The following CENPW variants were observed in gnomAD, a reference collection of about 807,000 sequenced individuals.
CENPW encodes the protein cancer-up-regulated gene 2 protein.
Under a neutral mutation model 11.1 loss-of-function variants are expected in CENPW, and 3 were observed. That is an observed-to-expected ratio of 0.27 (90% CI 0.12 to 0.70). CENPW has a LOEUF of 0.70. CENPW is among the 30% of genes least tolerant of loss of function. The pLI is 0.77. For synonymous variants in CENPW, 38 were observed against 42.0 expected, an observed-to-expected ratio of 0.91 and a Z score of 0.37; for missense variants, 100 against 105.6, an observed-to-expected ratio of 0.95 and a Z score of 0.23.
chr6:126,350,096 T>G (rs993614971), downstream of CENPW, among the ~76,000 whole-genome samples: 4 of 152,154 alleles, frequency 2.6e-5, no homozygotes, highest in Non-Finnish European at 5.9e-5. Flanking sequence ...ATTTTACATT[T>G]CCATTAGCAG....
At chr6:126,373,791 ACTTT>A in the CENPW span, among the ~76,000 whole-genome samples, 1 of 152,182 alleles carries the variant, frequency 6.6e-6, no homozygotes, top group Non-Finnish European at 1.5e-5. Flanking sequence ...CAAAATACCC[ACTTT>A]TACCACATTC....
At chr6:126,370,103 G>T in the CENPW span, among the ~76,000 whole-genome samples, 64 of 152,032 alleles carry the variant, frequency 4.2e-4, no homozygotes, top group African/African-American at 1.5e-3. Flanking sequence ...TTTATTTCTG[G>T]GTTCTCTATT....
At chr6:126,370,476 C>T in the CENPW span, among the ~76,000 whole-genome samples, 1 of 152,146 alleles carries the variant, frequency 6.6e-6, no homozygotes, top group African/African-American at 2.4e-5. Flanking sequence ...GGTCTTTCAC[C>T]TTCTTGGTTA....
chr6:126,468,677 T>C, the CENPW span, among the ~76,000 whole-genome samples: 2 of 152,134 alleles, frequency 1.3e-5, no homozygotes, highest in Non-Finnish European at 2.9e-5. Flanking sequence ...TATTTGCAAT[T>C]TTTCTGTAAA....
the CENPW span, among the ~76,000 whole-genome samples, chr6:126,460,064 A>G: frequency 6.6e-6 from 1 of 151,336 alleles, no homozygotes; most frequent in Non-Finnish European, 1.5e-5. Context: ...AATTGGGGGG[A>G]AAATATACTC....
chr6:126,443,600 GT>G, the CENPW span, among the ~76,000 whole-genome samples: 1 of 151,008 alleles, frequency 6.6e-6, no homozygotes, highest in Non-Finnish European at 1.5e-5. Flanking sequence ...CTTCTCTAAG[GT>G]AACTAGTAAG....
At chr6:126,414,627 C>T in the CENPW span, among the ~76,000 whole-genome samples, 1 of 151,636 alleles carries the variant, frequency 6.6e-6, no homozygotes, top group East Asian at 1.9e-4. Flanking sequence ...ATAGCAAAAG[C>T]AGTAATAAGT....
the CENPW span, among the ~76,000 whole-genome samples, chr6:126,365,285 G>A: frequency 6.6e-6 from 1 of 152,154 alleles, no homozygotes; most frequent in Non-Finnish European, 1.5e-5. Context: ...TTAGTCTGTT[G>A]TCACATTACT....
the CENPW span, among the ~76,000 whole-genome samples, chr6:126,386,775 C>T: frequency 1.3e-5 from 2 of 152,006 alleles, no homozygotes; most frequent in East Asian, 3.9e-4. Context: ...ATGAATAAGA[C>T]ATGAACTTGA....
chr6:126,423,160 A>AT, the CENPW span, among the ~76,000 whole-genome samples: 15 of 150,542 alleles, frequency 1.0e-4, no homozygotes, highest in African/African-American at 3.2e-4. Context: ...TGGCTGTAGA[A>AT]TTTTTTTTTT....
the CENPW span, among the ~76,000 whole-genome samples, chr6:126,383,097 G>C: frequency 1.3e-5 from 2 of 152,184 alleles, no homozygotes; most frequent in Non-Finnish European, 2.9e-5. Context: ...CCACAAGTCA[G>C]AAGAGATTGG....
At chr6:126,348,098 A>G (rs145040595) in intron 2 of CENPW, among the ~76,000 whole-genome samples, 21 of 152,052 alleles carry the variant, frequency 1.4e-4, no homozygotes, top group Admixed American at 3.9e-4. Context: ...TTAACTCTTT[A>G]ATTGGTATTG....
the CENPW span, among the ~76,000 whole-genome samples, chr6:126,417,003 AG>A: frequency 1.3e-5 from 2 of 152,212 alleles, no homozygotes; most frequent in Admixed American, 1.3e-4. Context: ...CACCTGGAAA[AG>A]CCACAGACAC....
At chr6:126,460,408 T>C in the CENPW span, among the ~76,000 whole-genome samples, 2 of 151,750 alleles carry the variant, frequency 1.3e-5, no homozygotes, top group Non-Finnish European at 2.9e-5. Flanking sequence ...GACTTTATTA[T>C]TCATGTTTGC....
At chr6:126,374,253 A>T in the CENPW span, among the ~76,000 whole-genome samples, 1 of 152,218 alleles carries the variant, frequency 6.6e-6, no homozygotes, top group Non-Finnish European at 1.5e-5. Flanking sequence ...GAAAGAACTA[A>T]TGAAATTGCA....
the CENPW span, among the ~76,000 whole-genome samples, chr6:126,402,811 ATGAATATT>A: frequency 6.6e-6 from 1 of 152,026 alleles, no homozygotes; most frequent in African/African-American, 2.4e-5. Flanking sequence ...TAATGCTGCT[ATGAATATT>A]CATGTACAAA....
chr6:126,412,853 G>A, the CENPW span, among the ~76,000 whole-genome samples: 1 of 151,948 alleles, frequency 6.6e-6, no homozygotes, highest in Admixed American at 6.6e-5. Context: ...AGCCCCTCTA[G>A]TCAGTTTTCT....
At chr6:126,449,740 A>C in the CENPW span, among the ~76,000 whole-genome samples, 1 of 151,094 alleles carries the variant, frequency 6.6e-6, no homozygotes, top group African/African-American at 2.4e-5. Context: ...AAAACCTCAT[A>C]ATAATTTCCT....
rs534764660 is a variant in CENPW at position 126,347,485 on chromosome 6, G to A, written c.241-981G>A. On this transcript the variant is annotated intron_variant, in intron 2 of 2. Transcript: ENST00000368328. Reference sequence around the variant, plus strand: ...AGTTTGAGTACATAATATACTCAGCGTTTTGTAAATTCATTTGAGTATTCA... The same window carrying A: ...AGTTTGAGTACATAATATACTCAGCATTTTGTAAATTCATTTGAGTATTCA... 7.2e-5 allele frequency among the ~76,000 whole-genome samples: 11 copies of A among 152,190 alleles called. No homozygotes were observed. In the South Asian group the frequency reaches 1.0e-3, roughly 14 times the overall value.
Sources: allele counts gnomAD v4.1 joint callset (sites outside exome capture counted in the v4.1 genomes callset), GRCh38; gene constraint gnomAD v4.1.1; transcripts MANE v1.5; gene names NCBI Gene and HGNC (gene_info 2026-07-23, HGNC 2026-07-21).